The following LHCGR variants were observed in gnomAD, a reference collection of about 807,000 sequenced individuals.
The protein encoded by LHCGR is lutropin-choriogonadotropic hormone receptor.
LHCGR carries 55 observed loss-of-function variants against 60.7 expected under a neutral mutation model. That is an observed-to-expected ratio of 0.91 (90% confidence interval 0.73 to 1.13). The LOEUF is 1.13. Among genes scored for constraint, LHCGR ranks in the 50% most tolerant of loss-of-function variants. The probability of loss-of-function intolerance (pLI) is 0.00; values close to 1 mark genes in which losing one functional copy is unlikely to be tolerated. For missense variants in LHCGR, 862 were observed against 836.0 expected, an observed-to-expected ratio of 1.03 and a Z score of -0.38; for synonymous variants, 337 against 316.5, an observed-to-expected ratio of 1.06 and a Z score of -0.69.
At chr2:48,705,589 A>G (rs1345793732) in intron 8 of LHCGR, among the ~76,000 whole-genome samples, 1 of 152,162 alleles carries the variant, frequency 6.6e-6, no homozygotes, top group Admixed American at 6.6e-5. Context: ...TTGGGTGCAT[A>G]TATATTTAGG....
intron 1 of LHCGR, among the ~76,000 whole-genome samples, chr2:48,746,933 T>C (rs964117417): frequency 6.6e-6 from 1 of 152,220 alleles, no homozygotes; most frequent in Non-Finnish European, 1.5e-5. Flanking sequence ...GAGAATATTA[T>C]GTTGCCAAGG....
At chr2:48,734,542 G>T (rs1669134506) in intron 1 of LHCGR, among the ~76,000 whole-genome samples, 1 of 117,560 alleles carries the variant, frequency 8.5e-6, no homozygotes, top group African/African-American at 3.6e-5. Context: ...CAGCCTGCTT[G>T]CTTACCTTTC....
At chr2:48,755,397 GT>G in intron 1 of LHCGR, 113 bp downstream of exon 1, 1 of 707,994 alleles carries the variant, frequency 1.4e-6, no homozygotes, top group East Asian at 2.8e-5. Flanking sequence ...AGGGCAAAGC[GT>G]TTTTCTCCAA....
chr2:48,727,513 T>G (rs1668788646), intron 3 of LHCGR, among the ~76,000 whole-genome samples: 1 of 152,218 alleles, frequency 6.6e-6, no homozygotes, highest in African/African-American at 2.4e-5. Flanking sequence ...GAATGTTGCT[T>G]TGCATCACGG....
In LHCGR at chr2:48,686,854, C is replaced by G. The variant is rs1204395784; in HGVS notation, c.*843G>C. 1 of 152,036 alleles carries G rather than the reference C, an allele frequency of 6.6e-6. No homozygotes were observed. The allele number at this position is 152,036 out of a possible 1,614,324, so 9.4% of individuals were successfully genotyped here. A position where few individuals can be genotyped will look rare whatever the true frequency, so the allele number is the denominator to read the frequency against. On this transcript the variant is annotated 3_prime_UTR_variant, in exon 11 of 11. Coordinates refer to ENST00000294954, the MANE Select transcript of LHCGR (RefSeq NM_000233.4). ...AAAAAATTGTTTTCATTATATGTTT[C>G]ATAACTTCAGAGTAATTCTAACTCA...
intron 9 of LHCGR, among the ~76,000 whole-genome samples, chr2:48,696,405 C>T (rs1667116189): frequency 6.6e-6 from 1 of 152,190 alleles, no homozygotes; most frequent in African/African-American, 2.4e-5. Flanking sequence ...TGCAAGGCCG[C>T]AACCAGAAAA....
chr2:48,731,090 A>G, intron 2 of LHCGR, 137 bp downstream of exon 2: 2 of 627,874 alleles, frequency 3.2e-6, no homozygotes, highest in South Asian at 1.9e-5. Context: ...TATTTGTATT[A>G]CAAAGATAAA....
chr2:48,687,703 C>T lies in LHCGR; in HGVS notation c.2094G>A (p.Glu698=), dbSNP rs544330797. 11 of 1,612,788 alleles carry T rather than the reference C, an allele frequency of 6.8e-6. No homozygotes were observed. The highest frequency in any genetic ancestry group is 9.3e-6 in the Non-Finnish European group (11 of 1,178,936). ...TALLDKTRYT[E]C is the part of the protein sequence containing the mutation. Reference sequence around the variant, plus strand: ...GCAGTTACTGATGTAACAGTTAACACTCTGTGTAGCGAGTCTTGTCTAGGA... The same window carrying T: ...GCAGTTACTGATGTAACAGTTAACATTCTGTGTAGCGAGTCTTGTCTAGGA... The change falls in exon 11 of 11, where the codon GAG becomes GAA. Residue 698 remains glutamate (E), a synonymous_variant. Coordinates refer to ENST00000294954, the MANE Select transcript of LHCGR (RefSeq NM_000233.4).
At chr2:48,738,283 T>G (rs1277299168) in intron 1 of LHCGR, among the ~76,000 whole-genome samples, 5 of 152,170 alleles carry the variant, frequency 3.3e-5, no homozygotes, top group Non-Finnish European at 7.4e-5. Context: ...CGTGAACATT[T>G]CCTCTGTTCT....
chr2:48,695,247 T>C (rs559325155), intron 9 of LHCGR, among the ~76,000 whole-genome samples: 6 of 152,340 alleles, frequency 3.9e-5, no homozygotes, highest in African/African-American at 1.4e-4. Context: ...GTAGGTTGTC[T>C]GTTTACTCTG....
intron 10 of LHCGR, among the ~76,000 whole-genome samples, 200 bp from the exon 11 acceptor site, chr2:48,689,049 C>G (rs1206297165): frequency 6.6e-6 from 1 of 151,862 alleles, no homozygotes. Context: ...GCCATTTAGA[C>G]TATATATACA....
In LHCGR at chr2:48,687,408, C is replaced by T; in HGVS notation, c.*289G>A. Reference sequence around the variant, plus strand: ...ATGAAAAAAAAGATATGCAAAATACCTCCTCAGTTTTTTAAAAGATTCATC... The same window carrying T: ...ATGAAAAAAAAGATATGCAAAATACTTCCTCAGTTTTTTAAAAGATTCATC... On this transcript the variant is annotated 3_prime_UTR_variant, in exon 11 of 11. Coordinates refer to ENST00000294954, the MANE Select transcript of LHCGR (RefSeq NM_000233.4). 9.2e-6 allele frequency: 3 copies of T among 324,930 alleles called. No homozygotes were observed. Among genetic ancestry groups the T allele is most frequent in the South Asian group, 5.7e-5 (1 of 17,624 alleles). The allele number at this position is 324,930 out of a possible 1,614,324, so 20.1% of individuals were successfully genotyped here. A position where few individuals can be genotyped will look rare whatever the true frequency, so the allele number is the denominator to read the frequency against.
At chr2:48,705,623 T>C (rs1180837831) in intron 8 of LHCGR, among the ~76,000 whole-genome samples, 1 of 152,254 alleles carries the variant, frequency 6.6e-6, no homozygotes, top group East Asian at 1.9e-4. Flanking sequence ...CTTATTGAAT[T>C]GATCCCTTTA....
intron 1 of LHCGR, among the ~76,000 whole-genome samples, chr2:48,732,277 C>T (rs936081225): frequency 6.6e-5 from 10 of 152,164 alleles, no homozygotes; most frequent in Non-Finnish European, 8.8e-5. Context: ...AAGGATATTT[C>T]AGGTGGGAAG....
chr2:48,730,434 A>G (rs1365309262), intron 2 of LHCGR, among the ~76,000 whole-genome samples: 1 of 152,196 alleles, frequency 6.6e-6, no homozygotes, highest in African/African-American at 2.4e-5. Context: ...TAAATATTCT[A>G]ATTGCTTACT....
At chr2:48,697,440 C>T (rs1173904685) in intron 9 of LHCGR, among the ~76,000 whole-genome samples, 1 of 152,196 alleles carries the variant, frequency 6.6e-6, no homozygotes, top group African/African-American at 2.4e-5. Flanking sequence ...TTTGTAACCT[C>T]AGGCTTTCAC....
rs554729236 is a variant in LHCGR, at chr2:48,745,166, G to T, written c.161+10345C>A. 2.8e-4 allele frequency among the ~76,000 whole-genome samples: 42 copies of T among 152,348 alleles called. No individual in the cohort carries two copies. The East Asian group carries it at 7.3e-3, about 27-fold the overall frequency. ...ATGAGATACCATCTCACACCAGTTA[G>T]AATGGCGATCATTAAAAAGTCAGGA... On this transcript the variant is annotated intron_variant, in intron 1 of 10. Transcript: ENST00000294954.
chr2:48,746,296 A>C (rs186973301), intron 1 of LHCGR, among the ~76,000 whole-genome samples: 152 of 152,324 alleles, frequency 1.0e-3, no homozygotes, highest in African/African-American at 3.0e-3. Flanking sequence ...CCTATGGCTT[A>C]TTCCTAAATC....
At chr2:48,740,611 A>T (rs1267532094) in intron 1 of LHCGR, among the ~76,000 whole-genome samples, 1 of 152,098 alleles carries the variant, frequency 6.6e-6, no homozygotes, top group Non-Finnish European at 1.5e-5. Flanking sequence ...GGGTACTCCA[A>T]CAGACCTGCA....
Sources: allele counts gnomAD v4.1 joint callset (sites outside exome capture counted in the v4.1 genomes callset), GRCh38; gene constraint gnomAD v4.1.1; transcripts MANE v1.5; gene names NCBI Gene and HGNC (gene_info 2026-07-23, HGNC 2026-07-21).